The following TXK variants were observed in gnomAD, a reference collection of about 807,000 sequenced individuals.
TXK encodes the protein tyrosine-protein kinase TXK.
A neutral mutation model predicts 81.0 loss-of-function variants in TXK; 60 were observed. That is an observed-to-expected ratio of 0.74 (90% confidence interval 0.60 to 0.92). TXK has a LOEUF of 0.92. Ranked by LOEUF, TXK falls within the 40% of genes least tolerant of loss-of-function variation. The pLI, the probability that TXK is intolerant of heterozygous loss-of-function variation, is 0.00. For synonymous variants in TXK, 203 were observed against 210.7 expected, an observed-to-expected ratio of 0.96 and a Z score of 0.32; for missense variants, 581 against 638.3, an observed-to-expected ratio of 0.91 and a Z score of 0.97.
rs909092797 is a variant in TXK at position 48,067,450 on chromosome 4, T to C, written c.*187A>G. On this transcript the variant is annotated 3_prime_UTR_variant, in exon 15 of 15. Transcript: ENST00000264316. ...AGAGTGTGCAAATCCCTCTCACACA[T>C]AGAAAAACGATTGTGTGAATATTCT... The C allele has an allele frequency of 4.5e-5, 27 of 599,590 alleles. 1 individual carries two copies. The Admixed American group carries it at 5.8e-4, about 13-fold the overall frequency. The allele number at this position is 599,590 out of a possible 1,614,324, so 37.1% of individuals were successfully genotyped here. A position where few individuals can be genotyped will look rare whatever the true frequency, so the allele number is the denominator to read the frequency against.
intron 1 of TXK, among the ~76,000 whole-genome samples, chr4:48,129,665 T>A (rs1719190789): frequency 6.6e-6 from 1 of 152,132 alleles, no homozygotes; most frequent in African/African-American, 2.4e-5. Context: ...CCAGGGCAAC[T>A]CCCCAGACAC....
intron 1 of TXK, among the ~76,000 whole-genome samples, chr4:48,132,944 TAA>T (rs761044150): frequency 9.7e-5 from 13 of 134,424 alleles, no homozygotes; most frequent in African/African-American, 8.1e-5. Context: ...AGACTCTGTC[TAA>T]AAAAAAAAAA....
intron 2 of TXK, among the ~76,000 whole-genome samples, chr4:48,113,881 A>G (rs977372281): frequency 3.9e-5 from 6 of 152,154 alleles, no homozygotes; most frequent in Non-Finnish European, 8.8e-5. Context: ...TTAGCATAGT[A>G]TCTGATATAC....
intron 9 of TXK, among the ~76,000 whole-genome samples, chr4:48,087,758 C>T (rs1252164474): frequency 6.6e-6 from 1 of 152,064 alleles, no homozygotes; most frequent in Admixed American, 6.6e-5. Context: ...TTAAAAGTAA[C>T]ATGGGAGGAT....
At chr4:48,129,593 G>T (rs112887217) in intron 1 of TXK, among the ~76,000 whole-genome samples, 2 of 152,132 alleles carry the variant, frequency 1.3e-5, no homozygotes, top group Non-Finnish European at 2.9e-5. Flanking sequence ...GGAGTAAAAG[G>T]TGCTGTAAGG....
chr4:48,088,874 T>C (rs1427681505), intron 9 of TXK, among the ~76,000 whole-genome samples: 1 of 152,190 alleles, frequency 6.6e-6, no homozygotes, highest in African/African-American at 2.4e-5. Flanking sequence ...ATTGTGTTAT[T>C]AATTTTTTCA....
chr4:48,104,859 T>C lies in TXK; in HGVS notation c.501+42A>G, dbSNP rs529642218. 42 of 1,498,248 alleles carry C rather than the reference T, an allele frequency of 2.8e-5. No homozygotes were observed. The South Asian group carries it at 5.0e-4, about 18-fold the overall frequency. 92.8% of individuals were successfully genotyped at this position (1,498,248 alleles called of 1,614,324 possible). ...AGTTGGTTAAAGTCTTTATAAGTAC[T>C]TCTCAGAGATTTTGAAAATGTCCAC... On this transcript the variant is annotated intron_variant, in intron 6 of 14. Transcript: ENST00000264316.
intron 11 of TXK, among the ~76,000 whole-genome samples, chr4:48,077,511 G>A (rs944211592): frequency 3.5e-4 from 15 of 43,352 alleles, no homozygotes; most frequent in Non-Finnish European, 7.4e-4. Context: ...AAGAAAATGA[G>A]CAAACAAGAA....
chr4:48,080,009 T>C lies in TXK; in HGVS notation c.1076A>G (p.Lys359Arg). 3 of 1,614,130 alleles carry C rather than the reference T, an allele frequency of 1.9e-6. No homozygotes were observed. The highest frequency in any genetic ancestry group is 2.5e-6 in the Non-Finnish European group (3 of 1,179,998). The change falls in exon 11 of 15, where the codon AAA becomes AGA. Residue 359 changes from lysine (K) to arginine (R), a missense_variant. Physicochemically the swap from Lys to Arg is conservative, Grantham distance 26. Coordinates refer to ENST00000264316, the MANE Select transcript of TXK (RefSeq NM_003328.3). ...TAGCATTTCCTTCCTAAGCTTTCCT[T>C]TATTCTCCCTGAGATAGTTAAGCAG... is the stretch of plus-strand genomic sequence containing the variant. Reference protein sequence around the residue: ...GCLLNYLRENKGKLRKEMLLS... With the variant: ...GCLLNYLRENRGKLRKEMLLS...
chr4:48,116,827 G>A (rs1161888334), intron 1 of TXK, among the ~76,000 whole-genome samples: 3 of 152,156 alleles, frequency 2.0e-5, no homozygotes, highest in Non-Finnish European at 4.4e-5. Flanking sequence ...AGAGTGGACC[G>A]GCAGGGAGAG....
chr4:48,107,714 C>G (rs1281190285), intron 5 of TXK, among the ~76,000 whole-genome samples: 1 of 151,800 alleles, frequency 6.6e-6, no homozygotes, highest in African/African-American at 2.4e-5. Flanking sequence ...CCTTGCCGCC[C>G]TCGCCCCAAC....
At chr4:48,102,828 A>G (rs1171656332) in intron 6 of TXK, among the ~76,000 whole-genome samples, 1 of 152,240 alleles carries the variant, frequency 6.6e-6, no homozygotes, top group Non-Finnish European at 1.5e-5. Flanking sequence ...TGAAAACATA[A>G]TGTTTAACTA....
intron 6 of TXK, among the ~76,000 whole-genome samples, chr4:48,097,626 C>T (rs112080495): frequency 3.3e-5 from 5 of 151,524 alleles, no homozygotes; most frequent in African/African-American, 1.2e-4. Flanking sequence ...TTAGTAGAGG[C>T]AGGGTTTCAT....
intron 6 of TXK, among the ~76,000 whole-genome samples, chr4:48,097,557 C>T (rs958978218): frequency 4.0e-5 from 6 of 149,660 alleles, no homozygotes; most frequent in Non-Finnish European, 8.9e-5. Flanking sequence ...TAAATTCAAA[C>T]TCCTGAGTAA....
intron 1 of TXK, among the ~76,000 whole-genome samples, chr4:48,118,072 G>T (rs557218719): frequency 6.6e-6 from 1 of 152,134 alleles, no homozygotes; most frequent in Non-Finnish European, 1.5e-5. Flanking sequence ...TCCCAATTTT[G>T]TTCCTTCCAA....
At chr4:48,105,851 C>T (rs1718438868) in intron 5 of TXK, among the ~76,000 whole-genome samples, 2 of 152,062 alleles carry the variant, frequency 1.3e-5, no homozygotes, top group South Asian at 4.1e-4. Context: ...CCTTTTCTGC[C>T]CCCAATCATG....
In TXK at chr4:48,067,319, C is replaced by T. The variant is rs1378113587; in HGVS notation, c.*318G>A. On this transcript the variant is annotated 3_prime_UTR_variant, in exon 15 of 15. Transcript: ENST00000264316. ...CTCTCAGCCTTGTGAAGAAGAACCT[C>T]AAGGGTTCCTGGGGCTATGATCATG... 2 of 250,868 alleles carry T rather than the reference C, an allele frequency of 8.0e-6. No individual in the cohort carries two copies. The highest frequency in any genetic ancestry group is 4.5e-5 in the African/African-American group (2 of 44,574). The allele number at this position is 250,868 out of a possible 1,614,324, so 15.5% of individuals were successfully genotyped here.
intron 5 of TXK, 85 bp from the exon 6 acceptor site, chr4:48,105,040 C>G: frequency 1.1e-6 from 1 of 930,100 alleles, no homozygotes; most frequent in East Asian, 2.8e-5. Flanking sequence ...TTTTTAAGAA[C>G]TTACTTCAGA....
At chr4:48,083,673 G>A (rs111297949) in intron 10 of TXK, among the ~76,000 whole-genome samples, 5 of 152,320 alleles carry the variant, frequency 3.3e-5, no homozygotes, top group African/African-American at 1.2e-4. Context: ...TCATTCAATA[G>A]TCCATAAATG....
Sources: gnomAD v4.1 joint callset for allele counts (sites outside exome capture counted in the v4.1 genomes callset) on GRCh38, gnomAD v4.1.1 for gene constraint, MANE v1.5 for transcripts, NCBI Gene and HGNC (gene_info 2026-07-23, HGNC 2026-07-21) for gene names.